CCDC178: variants seen among roughly 807,000 people sequenced by gnomAD.
CCDC178 encodes coiled-coil domain-containing protein 178.
CCDC178 carries 126 observed loss-of-function variants against 117.4 expected under a neutral mutation model. That is an observed-to-expected ratio of 1.07 (90% CI 0.93 to 1.24). CCDC178 has a LOEUF of 1.24. Ranked by LOEUF, CCDC178 falls within the 50% of genes most tolerant of loss-of-function variation. The probability of loss-of-function intolerance (pLI) is 0.00; values close to 1 mark genes in which losing one functional copy is unlikely to be tolerated. For missense variants in CCDC178, 1,030 were observed against 986.9 expected (o/e 1.04, Z -0.59); for synonymous variants, 283 against 313.4 (o/e 0.90, Z 1.02).
At chr18:33,190,900 T>C (rs1268846558) in intron 20 of CCDC178, among the ~76,000 whole-genome samples, 1 of 152,150 alleles carries the variant, frequency 6.6e-6, no homozygotes, top group Non-Finnish European at 1.5e-5. Flanking sequence ...AACATCCCAA[T>C]AGTGCAGCAA....
At chr18:33,127,859 C>G (rs2058026999) in intron 20 of CCDC178, among the ~76,000 whole-genome samples, 1 of 152,128 alleles carries the variant, frequency 6.6e-6, no homozygotes, top group African/African-American at 2.4e-5. Context: ...TTTATCTGAA[C>G]TACCCTCCAG....
intron 21 of CCDC178, among the ~76,000 whole-genome samples, chr18:33,011,468 T>C (rs2055862325): frequency 6.6e-6 from 1 of 151,696 alleles, no homozygotes; most frequent in Non-Finnish European, 1.5e-5. Flanking sequence ...GCCCCCACAG[T>C]CTCCTCAATG....
At chr18:33,066,748 C>T (rs767952229) in intron 21 of CCDC178, among the ~76,000 whole-genome samples, 12 of 152,090 alleles carry the variant, frequency 7.9e-5, no homozygotes, top group African/African-American at 1.7e-4. Context: ...ACTGTAGAAA[C>T]GGACAAAGAA....
intron 2 of CCDC178, among the ~76,000 whole-genome samples, chr18:33,412,883 G>T (rs1202378552): frequency 6.6e-6 from 1 of 152,066 alleles, no homozygotes; most frequent in Non-Finnish European, 1.5e-5. Context: ...TTATCTTTTA[G>T]TCTATGCGTT....
intron 3 of CCDC178, among the ~76,000 whole-genome samples, chr18:33,404,888 G>T (rs963372891): frequency 6.6e-6 from 1 of 151,980 alleles, no homozygotes; most frequent in African/African-American, 2.4e-5. Context: ...TAAAATCATT[G>T]ATATGAAATA....
At chr18:33,002,613 G>A (rs897754212) in intron 21 of CCDC178, among the ~76,000 whole-genome samples, 2 of 151,386 alleles carry the variant, frequency 1.3e-5, no homozygotes, top group African/African-American at 2.4e-5. Flanking sequence ...ACCTAACAAC[G>A]CATCTTAAAG....
intron 18 of CCDC178, among the ~76,000 whole-genome samples, chr18:33,220,720 A>G (rs1358182200): frequency 1.3e-5 from 2 of 152,110 alleles, no homozygotes; most frequent in Non-Finnish European, 2.9e-5. Flanking sequence ...AATGACGTTG[A>G]TAATAATTAA....
At chr18:33,015,425 C>G (rs768027584) in intron 21 of CCDC178, among the ~76,000 whole-genome samples, 1 of 151,110 alleles carries the variant, frequency 6.6e-6, no homozygotes, top group Non-Finnish European at 1.5e-5. Context: ...CTTAGCCGGG[C>G]GTGGTGGCAG....
chr18:33,085,388 C>T (rs1284714807), intron 21 of CCDC178, among the ~76,000 whole-genome samples: 2 of 152,032 alleles, frequency 1.3e-5, no homozygotes, highest in Non-Finnish European at 2.9e-5. Flanking sequence ...ACGGTGAAAC[C>T]CCGTTTCTAC....
At chr18:33,213,674 C>A (rs994554357) in intron 19 of CCDC178, among the ~76,000 whole-genome samples, 4 of 151,948 alleles carry the variant, frequency 2.6e-5, no homozygotes, top group African/African-American at 9.7e-5. Context: ...ACGTGTATAT[C>A]TATGCAATAA....
intron 5 of CCDC178, among the ~76,000 whole-genome samples, chr18:33,388,175 C>T (rs893063020): frequency 2.6e-5 from 4 of 152,120 alleles, no homozygotes; most frequent in South Asian, 2.1e-4. Flanking sequence ...TACCATCTCA[C>T]GCCAGTCAGA....
At chr18:32,978,763 A>G (rs2144706564) in intron 21 of CCDC178, among the ~76,000 whole-genome samples, 2 of 152,320 alleles carry the variant, frequency 1.3e-5, no homozygotes, top group Admixed American at 1.3e-4. Flanking sequence ...AAGGCCGGGC[A>G]CGGTGGCTAA....
chr18:33,226,716 A>G (rs2059306448), intron 16 of CCDC178, 77 bp downstream of exon 16: 9 of 1,054,558 alleles, frequency 8.5e-6, no homozygotes, highest in Non-Finnish European at 1.3e-5. Context: ...AAGATGCCTC[A>G]TTACAGGCAA....
At chr18:33,133,437 T>C (rs1439810093) in intron 20 of CCDC178, among the ~76,000 whole-genome samples, 1 of 151,948 alleles carries the variant, frequency 6.6e-6, no homozygotes, top group East Asian at 1.9e-4. Flanking sequence ...AAGAAATTAA[T>C]AACTTTTCAA....
At chr18:33,255,761 A>G (rs1279067428) in intron 14 of CCDC178, among the ~76,000 whole-genome samples, 1 of 151,976 alleles carries the variant, frequency 6.6e-6, no homozygotes, top group Non-Finnish European at 1.5e-5. Context: ...GGGACAGGAG[A>G]TGGAGCAAGG....
chr18:33,166,842 G>C (rs1005765587), intron 20 of CCDC178, among the ~76,000 whole-genome samples: 1 of 152,094 alleles, frequency 6.6e-6, no homozygotes, highest in Non-Finnish European at 1.5e-5. Flanking sequence ...TAAATTACTT[G>C]TCTCAGGGAT....
At chr18:33,270,163 C>T (rs1031302980) in intron 12 of CCDC178, among the ~76,000 whole-genome samples, 2 of 150,176 alleles carry the variant, frequency 1.3e-5, no homozygotes, top group African/African-American at 4.9e-5. Context: ...AATCTGAAGA[C>T]GAGTCAACTG....
intron 22 of CCDC178, chr18:32,954,648 G>A (rs564382073): frequency 6.6e-6 from 1 of 152,086 alleles, no homozygotes; most frequent in Non-Finnish European, 1.5e-5. Context: ...AGAGTTGAAG[G>A]TACGCAGAGA....
At chr18:33,269,297 G>A (rs1347572749) in intron 12 of CCDC178, among the ~76,000 whole-genome samples, 2 of 151,796 alleles carry the variant, frequency 1.3e-5, no homozygotes, top group Non-Finnish European at 2.9e-5. Context: ...ACTAAAAAGG[G>A]AAAGCTGGTG....
Sources: allele counts gnomAD v4.1 joint callset (sites outside exome capture counted in the v4.1 genomes callset), GRCh38; gene constraint gnomAD v4.1.1; transcripts MANE v1.5; gene names NCBI Gene and HGNC (gene_info 2026-07-23, HGNC 2026-07-21).